GPHN: variants seen among roughly 807,000 people sequenced by gnomAD.
GPHN encodes the protein gephyrin.
In GPHN, 17 loss-of-function variants were observed where a neutral mutation model predicts 95.5. That is an observed-to-expected ratio of 0.18 (90% CI 0.12 to 0.27). GPHN has a LOEUF of 0.27. Among genes scored for constraint, GPHN ranks in the 10% least tolerant of loss-of-function variants. The pLI, the probability that GPHN is intolerant of heterozygous loss-of-function variation, is 1.00. For synonymous variants in GPHN, 320 were observed against 322.5 expected (o/e 0.99, Z 0.08); for missense variants, 660 against 978.1 (o/e 0.67, Z 4.34).
intron 4 of GPHN, among the ~76,000 whole-genome samples, chr14:66,830,952 A>G (rs897192389): frequency 2.0e-5 from 3 of 152,108 alleles, no homozygotes; most frequent in Non-Finnish European, 2.9e-5. Flanking sequence ...TGTGTTTACT[A>G]TAAGACAGGT....
At chr14:66,926,210 A>G (rs1045684936) in intron 8 of GPHN, among the ~76,000 whole-genome samples, 1 of 151,852 alleles carries the variant, frequency 6.6e-6, no homozygotes. Flanking sequence ...CATTTTCTTG[A>G]TTGTTTCCTT....
the GPHN span, chr14:67,574,146 C>A: frequency 1.8e-6 from 2 of 1,128,982 alleles, no homozygotes; most frequent in Non-Finnish European, 1.2e-6. The surrounding 1 kb of genome is among the most constrained non-coding windows in gnomAD (Gnocchi z 4.2). Flanking sequence ...GAAGGCCAGC[C>A]CCTTGGGTTC....
At chr14:66,911,300 G>A (rs2065663553) in intron 5 of GPHN, among the ~76,000 whole-genome samples, 1 of 151,644 alleles carries the variant, frequency 6.6e-6, no homozygotes, top group Admixed American at 6.6e-5. Context: ...AATGGGTATG[G>A]GATTTTTTTG....
the GPHN span, chr14:67,384,362 C>T: frequency 6.9e-6 from 1 of 144,092 alleles, no homozygotes; most frequent in Admixed American, 7.1e-5. Context: ...TGAACACTTA[C>T]TGTTGTTTTT....
At chr14:67,518,177 C>G in the GPHN span, among the ~76,000 whole-genome samples, 1 of 152,162 alleles carries the variant, frequency 6.6e-6, no homozygotes, top group Non-Finnish European at 1.5e-5. Context: ...CCAAAGGATA[C>G]CAGCCCCTGC....
chr14:67,472,618 C>G, the GPHN span: 5 of 150,838 alleles, frequency 3.3e-5, no homozygotes, highest in Admixed American at 3.3e-4. Flanking sequence ...TTGGGGGTGT[C>G]TCAGGGCTTC....
intron 21 of GPHN, among the ~76,000 whole-genome samples, chr14:67,171,370 TAAAGAAAAAAAA>T (rs966420585): frequency 2.7e-5 from 4 of 145,886 alleles, no homozygotes; most frequent in African/African-American, 5.1e-5. Flanking sequence ...AAGCATCTGG[TAAAGAAAAAAAA>T]AAAGAAAAAG....
At chr14:67,119,911 C>T (rs950100731) in intron 16 of GPHN, among the ~76,000 whole-genome samples, 4 of 152,072 alleles carry the variant, frequency 2.6e-5, no homozygotes, top group African/African-American at 9.7e-5. Flanking sequence ...AGGTGAATCA[C>T]TTGGGGTCAG....
chr14:66,804,117 C>A (rs546363697), intron 3 of GPHN, among the ~76,000 whole-genome samples: 1 of 152,194 alleles, frequency 6.6e-6, no homozygotes, highest in South Asian at 2.1e-4. Flanking sequence ...CCATAGGTGA[C>A]TTAATCATAG....
the GPHN span, among the ~76,000 whole-genome samples, chr14:67,420,776 A>G: frequency 1.3e-4 from 20 of 152,250 alleles, no homozygotes; most frequent in Non-Finnish European, 2.1e-4. Flanking sequence ...CTCACCTTTC[A>G]CAGTAGGGTG....
chr14:67,541,919 T>C, the GPHN span: 1 of 1,605,566 alleles, frequency 6.2e-7, no homozygotes, highest in Non-Finnish European at 8.5e-7. Flanking sequence ...GCAGAAACGC[T>C]GCCTGACCCT....
intron 10 of GPHN, among the ~76,000 whole-genome samples, chr14:67,039,837 A>G (rs1325029110): frequency 3.9e-5 from 6 of 152,286 alleles, no homozygotes; most frequent in Admixed American, 3.3e-4. Context: ...AAAGTGCCCT[A>G]TATTGACCAG....
intron 2 of GPHN, among the ~76,000 whole-genome samples, chr14:66,770,738 C>G (rs2059134723): frequency 6.6e-6 from 1 of 152,084 alleles, no homozygotes; most frequent in Non-Finnish European, 1.5e-5. Context: ...CAGTTATGTG[C>G]AGTCAAGTGC....
chr14:67,189,210 C>T, the GPHN span, among the ~76,000 whole-genome samples: 8 of 152,114 alleles, frequency 5.3e-5, no homozygotes, highest in Admixed American at 3.3e-4. Context: ...CCAAGAAATC[C>T]TCTGAAAACT....
intron 9 of GPHN, among the ~76,000 whole-genome samples, chr14:67,003,770 G>C (rs1457196951): frequency 6.6e-6 from 1 of 151,656 alleles, no homozygotes; most frequent in African/African-American, 2.4e-5. Flanking sequence ...CCTGGTAAAT[G>C]ATGATATTTC....
chr14:67,725,112 T>C, the GPHN span: 1 of 1,614,186 alleles, frequency 6.2e-7, no homozygotes, highest in Admixed American at 1.7e-5. Context: ...CCCGAGTCTA[T>C]ATTGCCTGCA....
Position 66,564,772 on chromosome 14 carries a change from C to T in GPHN, c.64+56181C>T, listed in dbSNP as rs529557060. ...GTGTGCGTGTGCATGCATATGTTCA[C>T]GTGTTTGGTGGTATGCATAAAAGTG... On this transcript the variant is annotated intron_variant, in intron 1 of 22. Transcript: ENST00000478722. 3.9e-5 allele frequency among the ~76,000 whole-genome samples: 6 copies of T among 152,014 alleles called. No homozygotes were observed. In the South Asian group the frequency reaches 6.2e-4, roughly 16 times the overall value.
At chr14:67,267,908 T>C in the GPHN span, among the ~76,000 whole-genome samples, 1 of 152,232 alleles carries the variant, frequency 6.6e-6, no homozygotes, top group African/African-American at 2.4e-5. Context: ...TTGTCCTTTC[T>C]TATTGCATTT....
chr14:67,388,547 C>G, the GPHN span, among the ~76,000 whole-genome samples: 17 of 152,314 alleles, frequency 1.1e-4, 1 homozygote, highest in South Asian at 2.1e-3. Flanking sequence ...CACAGACTTG[C>G]AAATCTGCTT....
Sources: gnomAD v4.1 joint callset for allele counts (sites outside exome capture counted in the v4.1 genomes callset) on GRCh38, gnomAD v4.1.1 for gene constraint, Gnocchi (gnomAD v3.1) non-coding constraint, MANE v1.5 for transcripts, NCBI Gene and HGNC (gene_info 2026-07-23, HGNC 2026-07-21) for gene names.